The following PGM1 variants were observed in gnomAD, a reference collection of about 807,000 sequenced individuals.
PGM1 encodes phosphoglucomutase 1, also known as phosphoglucomutase-1.
Under a neutral mutation model 55.6 loss-of-function variants are expected in PGM1, and 52 were observed. The observed-to-expected ratio is 0.94, with a 90% CI of 0.75 to 1.18. The LOEUF (loss-of-function observed/expected upper bound fraction) is 1.18, where lower values mean the gene tolerates loss of function less well. PGM1 is among the 50% of genes most tolerant of loss of function. The probability of loss-of-function intolerance (pLI) is 0.00; values close to 1 mark genes in which losing one functional copy is unlikely to be tolerated. For missense variants in PGM1, 724 were observed against 729.3 expected (o/e 0.99, Z 0.08); for synonymous variants, 287 against 271.7 (o/e 1.06, Z -0.55).
intron 10 of PGM1, among the ~76,000 whole-genome samples, chr1:63,657,776 T>C (rs1275341977): frequency 6.6e-6 from 1 of 152,028 alleles, no homozygotes; most frequent in African/African-American, 2.4e-5. Context: ...TTTACATTTT[T>C]TCCAGTGGCC....
At chr1:63,627,934 T>C (rs923134159) in intron 1 of PGM1, among the ~76,000 whole-genome samples, 1 of 152,182 alleles carries the variant, frequency 6.6e-6, no homozygotes, top group Non-Finnish European at 1.5e-5. Flanking sequence ...TCCCCCACCA[T>C]GGCCGCTAAT....
intron 1 of PGM1, among the ~76,000 whole-genome samples, chr1:63,619,123 T>G (rs542370250): frequency 3.9e-5 from 6 of 152,288 alleles, no homozygotes; most frequent in African/African-American, 1.4e-4. Flanking sequence ...TAGTACACTT[T>G]TGAGTCCCAA....
At chr1:63,611,644 C>T (rs557500254) in intron 1 of PGM1, among the ~76,000 whole-genome samples, 1 of 152,316 alleles carries the variant, frequency 6.6e-6, no homozygotes, top group South Asian at 2.1e-4. Context: ...GTGGCTCTCA[C>T]CTGTAATCCC....
intron 1 of PGM1, among the ~76,000 whole-genome samples, chr1:63,614,685 A>T (rs544647038): frequency 6.6e-6 from 1 of 152,310 alleles, no homozygotes; most frequent in East Asian, 1.9e-4. Context: ...AATGAATGAT[A>T]TACAGACAGT....
intron 1 of PGM1, chr1:63,623,393 A>G: frequency 6.4e-7 from 1 of 1,557,824 alleles, no homozygotes; most frequent in East Asian, 2.2e-5. Flanking sequence ...CAGGTTGGAC[A>G]GACCTATTTT....
At position 63,631,673 on chromosome 1, in the gene PGM1, G is replaced by A. The variant is rs112502842; in HGVS notation, c.573G>A (p.Ser191=). The A allele has an allele frequency of 6.8e-4, 1,098 of 1,613,330 alleles. 3 individuals carry two copies. The African/African-American group carries it at 0.013, about 19-fold the overall frequency. Residue 191 remains serine (S), a synonymous_variant, in exon 4 of 11, where the codon TCG becomes TCA. Coordinates refer to ENST00000371084, the MANE Select transcript of PGM1 (RefSeq NM_002633.3). The stretch of plus-strand genomic sequence containing the variant: ...TTCTCACAGTGGAAATTGTGGATTC[G>A]GTAGAAGCTTATGCTACAATGCTGA... ...FKPFTVEIVD[S]VEAYATMLRS... is the part of the protein sequence containing the mutation.
intron 4 of PGM1, 107 bp from the exon 5 acceptor site, chr1:63,634,722 A>T (rs1649315043): frequency 2.3e-6 from 2 of 871,724 alleles, no homozygotes; most frequent in Non-Finnish European, 3.8e-6. Flanking sequence ...GTTGTTTCTC[A>T]TGCCATTCTT....
intron 1 of PGM1, among the ~76,000 whole-genome samples, chr1:63,606,405 A>G (rs1237925979): frequency 2.6e-5 from 4 of 152,172 alleles, no homozygotes; most frequent in African/African-American, 9.7e-5. Flanking sequence ...TGGGCAGTCC[A>G]GGGCTGATGT....
intron 1 of PGM1, among the ~76,000 whole-genome samples, chr1:63,615,350 G>C (rs115248808): frequency 0.012 from 1,824 of 152,112 alleles, 31 homozygotes; most frequent in African/African-American, 0.041. Flanking sequence ...CCTTCTAAAG[G>C]AGGCTTCACT....
intron 3 of PGM1, among the ~76,000 whole-genome samples, chr1:63,630,331 C>G (rs1649161823): frequency 1.3e-5 from 2 of 152,176 alleles, no homozygotes; most frequent in South Asian, 4.1e-4. Flanking sequence ...GCACTCTAGG[C>G]CTCAGTTTTC....
At chr1:63,601,157 G>A (rs139142187) in intron 1 of PGM1, among the ~76,000 whole-genome samples, 3 of 152,252 alleles carry the variant, frequency 2.0e-5, no homozygotes, top group Non-Finnish European at 4.4e-5. Context: ...AGCATTTGCT[G>A]GAAACCACGA....
chr1:63,632,610 A>T (rs1053961786), intron 4 of PGM1, among the ~76,000 whole-genome samples: 2 of 152,234 alleles, frequency 1.3e-5, no homozygotes, highest in African/African-American at 4.8e-5. Flanking sequence ...ACCATTCAAC[A>T]GATGTGTATT....
chr1:63,637,735 C>A (rs1649399764), intron 6 of PGM1, among the ~76,000 whole-genome samples: 1 of 152,154 alleles, frequency 6.6e-6, no homozygotes, highest in Non-Finnish European at 1.5e-5. Context: ...TCCTGGAATA[C>A]CTTCTATGTC....
At chr1:63,656,571 G>GTGTGTGT (rs1553122807) in intron 10 of PGM1, among the ~76,000 whole-genome samples, 1 of 144,240 alleles carries the variant, frequency 6.9e-6, no homozygotes, top group African/African-American at 2.7e-5. Context: ...AAGACATTGT[G>GTGTGTGT]GTGTGTGTGT....
rs754296708 is a variant in PGM1, at chr1:63,648,512, T to A, written c.1145-5T>A. On this transcript the variant is annotated splice_polypyrimidine_tract_variant and splice_region_variant and intron_variant, in intron 7 of 10. Transcript: ENST00000371084. ...TCTTACAGCAGCTTGCTGTCCCCCC[T>A]CCAGGTTCTGACCACATCCGTGAGA... 1.2e-6 allele frequency: 2 copies of A among 1,614,018 alleles called. No individual in the cohort carries two copies. Among genetic ancestry groups the A allele is most frequent in the Non-Finnish European group, 8.5e-7 (1 of 1,179,964 alleles).
intron 1 of PGM1, among the ~76,000 whole-genome samples, chr1:63,615,547 C>CTTTTT (rs796858830): frequency 4.2e-5 from 4 of 96,094 alleles, no homozygotes; most frequent in African/African-American, 1.8e-4. Context: ...TCTTCTTCTT[C>CTTTTT]TTCTTTTTTT....
chr1:63,629,063 T>C (rs572247502), intron 1 of PGM1, among the ~76,000 whole-genome samples: 3 of 152,316 alleles, frequency 2.0e-5, no homozygotes, highest in East Asian at 3.9e-4. Flanking sequence ...TTGAATTGGA[T>C]AAAAATGTGG....
intron 7 of PGM1, among the ~76,000 whole-genome samples, chr1:63,642,934 A>G (rs1407183582): frequency 6.6e-6 from 1 of 152,226 alleles, no homozygotes; most frequent in Non-Finnish European, 1.5e-5. Flanking sequence ...ACTCTGGGAC[A>G]CATGGTGAAC....
intron 1 of PGM1, chr1:63,623,758 G>A (rs1313411112): frequency 6.2e-7 from 1 of 1,605,812 alleles, no homozygotes; most frequent in Non-Finnish European, 8.5e-7. Flanking sequence ...AGCTGCCAAT[G>A]GGGTGGGTAT....
Sources: allele counts gnomAD v4.1 joint callset (sites outside exome capture counted in the v4.1 genomes callset), GRCh38; gene constraint gnomAD v4.1.1; transcripts MANE v1.5; gene names NCBI Gene and HGNC (gene_info 2026-07-23, HGNC 2026-07-21).